The following CMC1 variants were observed in gnomAD, a reference collection of about 807,000 sequenced individuals.
The protein encoded by CMC1 is C-X9-C motif containing 1.
CMC1 carries 14 observed loss-of-function variants against 14.1 expected under a neutral mutation model. That is an observed-to-expected ratio of 0.99 (90% CI 0.66 to 1.55). The LOEUF (loss-of-function observed/expected upper bound fraction) is 1.55. Ranked by LOEUF, CMC1 falls within the 40% of genes most tolerant of loss-of-function variation. CMC1 has a pLI of 0.00. For missense variants in CMC1, 127 were observed against 123.8 expected, an observed-to-expected ratio of 1.03 and a Z score of -0.12; for synonymous variants, 50 against 38.4, an observed-to-expected ratio of 1.30 and a Z score of -1.12.
At chr3:28,271,975 C>G (rs188898536) in intron 2 of CMC1, among the ~76,000 whole-genome samples, 19 of 152,196 alleles carry the variant, frequency 1.2e-4, no homozygotes, top group African/African-American at 4.3e-4. Flanking sequence ...ATTTTATTCT[C>G]TTTGTAGCAA....
intron 1 of CMC1, 104 bp downstream of exon 1, chr3:28,241,916 G>A: frequency 2.7e-6 from 3 of 1,124,970 alleles, no homozygotes; most frequent in Non-Finnish European, 3.4e-6. Context: ...AGAGCTCTGG[G>A]TAGCATTGCT....
intron 2 of CMC1, among the ~76,000 whole-genome samples, chr3:28,271,378 A>C (rs1700277499): frequency 6.6e-6 from 1 of 152,262 alleles, no homozygotes; most frequent in African/African-American, 2.4e-5. Context: ...TAATTTTTGT[A>C]TAAGGTGTAA....
At chr3:28,315,610 T>C (rs1274310749) in intron 2 of CMC1, among the ~76,000 whole-genome samples, 5 of 152,162 alleles carry the variant, frequency 3.3e-5, no homozygotes, top group Admixed American at 6.5e-5. Flanking sequence ...AAAGGAAGAG[T>C]CAACTCTTTG....
At position 28,241,654 on chromosome 3, in the gene CMC1, G is replaced by C; in HGVS notation, c.-140G>C. The stretch of plus-strand genomic sequence containing the variant: ...GGAAGAGGGAACGGGTCCTGGCGGT[G>C]CTTTGCAAAGGGCCCGTGTTTCTGT... On this transcript the variant is annotated 5_prime_UTR_variant, in exon 1 of 4. Transcript: ENST00000466830. The C allele has an allele frequency of 1.6e-6, 2 of 1,233,454 alleles. No homozygotes were observed. The highest frequency in any genetic ancestry group is 1.0e-6 in the Non-Finnish European group (1 of 987,846). The allele number at this position is 1,233,454 out of a possible 1,614,324, so 76.4% of individuals were successfully genotyped here.
chr3:28,300,092 CT>C (rs1006061978), intron 2 of CMC1, among the ~76,000 whole-genome samples: 1 of 151,854 alleles, frequency 6.6e-6, no homozygotes, highest in East Asian at 1.9e-4. Context: ...TTATTTCCTC[CT>C]TTTTTTCCCT....
chr3:28,277,389 C>T (rs769143318), intron 2 of CMC1, among the ~76,000 whole-genome samples: 1 of 151,936 alleles, frequency 6.6e-6, no homozygotes, highest in African/African-American at 2.4e-5. Flanking sequence ...TGAACCTTAG[C>T]GTTATGTGGA....
intron 2 of CMC1, among the ~76,000 whole-genome samples, chr3:28,305,779 ATTTTTTTTTTT>A (rs71087685): frequency 9.2e-5 from 4 of 43,570 alleles, no homozygotes; most frequent in African/African-American, 4.4e-4. Context: ...TTTCATAGGA[ATTTTTTTTTTT>A]TTTTTTTTTT....
chr3:28,264,047 A>T (rs1032536785), intron 2 of CMC1, among the ~76,000 whole-genome samples: 1 of 152,206 alleles, frequency 6.6e-6, no homozygotes, highest in Non-Finnish European at 1.5e-5. Context: ...GCCATAATAC[A>T]TTTGTAAATG....
Position 28,265,605 on chromosome 3 carries a change from T to G in CMC1, c.109+2225T>G, listed in dbSNP as rs1280104510. ...CTAAAACATGATTATGTAGGAAAGC[T>G]TTTCCGTTAGATTTTTTTTTTAATG... On this transcript the variant is annotated intron_variant, in intron 2 of 3. Coordinates refer to ENST00000466830, the MANE Select transcript of CMC1 (RefSeq NM_182523.2). 2.0e-5 allele frequency among the ~76,000 whole-genome samples: 3 copies of G among 152,252 alleles called. No individual in the cohort carries two copies. The East Asian group carries it at 5.8e-4, about 29-fold the overall frequency.
chr3:28,310,888 C>T (rs953578109), intron 2 of CMC1, among the ~76,000 whole-genome samples: 2 of 152,110 alleles, frequency 1.3e-5, no homozygotes, highest in African/African-American at 4.8e-5. Context: ...CTAGATCCCT[C>T]GCATGCACAA....
intron 3 of CMC1, chr3:28,317,236 A>C (rs574322037): frequency 6.6e-6 from 1 of 152,052 alleles, no homozygotes; most frequent in East Asian, 1.9e-4. Context: ...AAACTTATAG[A>C]CCTTTTTTTA....
intron 2 of CMC1, among the ~76,000 whole-genome samples, chr3:28,270,447 C>A (rs1218626387): frequency 6.6e-6 from 1 of 152,088 alleles, no homozygotes; most frequent in African/African-American, 2.4e-5. Context: ...TAATAATTGC[C>A]ATTCTGACTG....
Position 28,263,392 on chromosome 3 carries a change from A to G in CMC1, c.109+12A>G. The G allele has an allele frequency of 1.3e-6, 2 of 1,510,192 alleles. No individual in the cohort carries two copies. The highest frequency in any genetic ancestry group is 1.8e-6 in the Non-Finnish European group (2 of 1,100,760). The allele number at this position is 1,510,192 out of a possible 1,614,324, so 93.5% of individuals were successfully genotyped here. On this transcript the variant is annotated intron_variant, in intron 2 of 3. Transcript: ENST00000466830. ...TGAACAAGTTCAAGGTAACATTCAA[A>G]TATTCATGTAAAGATCAAATTTATT...
At chr3:28,247,616 G>C (rs1346033263) in intron 1 of CMC1, among the ~76,000 whole-genome samples, 2 of 152,204 alleles carry the variant, frequency 1.3e-5, no homozygotes, top group Non-Finnish European at 2.9e-5. Flanking sequence ...CTGCAGGAGG[G>C]ATACCAGCTC....
rs563313723 is a variant in CMC1 at position 28,243,779 on chromosome 3, T to C, written c.19+1967T>C. ...GCTCCCAATAAAGCTTATCTAGTGG[T>C]AGAAAAAACAATTAACACCCCCTTT... On this transcript the variant is annotated intron_variant, in intron 1 of 3. Coordinates refer to ENST00000466830, the MANE Select transcript of CMC1 (RefSeq NM_182523.2). 2.1e-5 allele frequency among the ~76,000 whole-genome samples: 3 copies of C among 143,358 alleles called. No individual in the cohort carries two copies. In the South Asian group the frequency reaches 6.3e-4, roughly 30 times the overall value. 94.0% of individuals were successfully genotyped at this position (143,358 alleles called of 152,430 possible). A position where few individuals can be genotyped will look rare whatever the true frequency, so the allele number is the denominator to read the frequency against.
chr3:28,268,728 G>A (rs1252773592), intron 2 of CMC1, among the ~76,000 whole-genome samples: 1 of 152,140 alleles, frequency 6.6e-6, no homozygotes, highest in East Asian at 1.9e-4. Context: ...TCTGCACATG[G>A]ACATAATAAA....
intron 1 of CMC1, among the ~76,000 whole-genome samples, chr3:28,260,546 A>C (rs1699683820): frequency 6.7e-6 from 1 of 149,816 alleles, no homozygotes; most frequent in African/African-American, 2.5e-5. Context: ...AACCAGCTTT[A>C]ATTTCATTGT....
intron 1 of CMC1, among the ~76,000 whole-genome samples, chr3:28,259,035 A>AT: frequency 6.6e-6 from 1 of 152,246 alleles, no homozygotes; most frequent in East Asian, 1.9e-4. Context: ...GTAATCGGGT[A>AT]GTTGCTGCAT....
intron 1 of CMC1, among the ~76,000 whole-genome samples, chr3:28,255,725 A>G (rs1012914265): frequency 1.8e-4 from 26 of 140,548 alleles, no homozygotes; most frequent in Non-Finnish European, 3.0e-4. Flanking sequence ...ATGTACATAC[A>G]CACACACACA....
Sources: allele counts gnomAD v4.1 joint callset (sites outside exome capture counted in the v4.1 genomes callset), GRCh38; gene constraint gnomAD v4.1.1; transcripts MANE v1.5; gene names NCBI Gene and HGNC (gene_info 2026-07-23, HGNC 2026-07-21).